DOCK1: variants seen among roughly 807,000 people sequenced by gnomAD.
DOCK1 encodes dedicator of cytokinesis protein 1.
In DOCK1, 138 loss-of-function variants were observed where a neutral mutation model predicts 262.7. That is an observed-to-expected ratio of 0.53 (90% CI 0.46 to 0.61). The LOEUF is 0.61. Ranked by LOEUF, DOCK1 falls within the 20% of genes least tolerant of loss-of-function variation. DOCK1 has a pLI of 0.00. For synonymous variants in DOCK1, 866 were observed against 867.4 expected, an observed-to-expected ratio of 1.00 and a Z score of 0.03; for missense variants, 1,908 against 2,370.7, an observed-to-expected ratio of 0.80 and a Z score of 4.05.
At chr10:127,245,466 A>AT (rs2059401388) in intron 27 of DOCK1, among the ~76,000 whole-genome samples, 1 of 152,186 alleles carries the variant, frequency 6.6e-6, no homozygotes, top group Non-Finnish European at 1.5e-5. Flanking sequence ...CAGTTAAACA[A>AT]GGGGCCGCGT....
At chr10:127,315,715 A>G (rs907303598) in intron 29 of DOCK1, among the ~76,000 whole-genome samples, 20 of 152,190 alleles carry the variant, frequency 1.3e-4, no homozygotes, top group Admixed American at 1.2e-3. Flanking sequence ...CCTTTTCCAC[A>G]TAGCTGGGTT....
intron 29 of DOCK1, among the ~76,000 whole-genome samples, chr10:127,314,217 G>A (rs142324486): frequency 7.6e-4 from 116 of 152,324 alleles, no homozygotes; most frequent in African/African-American, 2.7e-3. Context: ...CCATGGAAAT[G>A]TTTCCTTTGT....
At chr10:127,122,449 C>T (rs1484266283) in intron 25 of DOCK1, among the ~76,000 whole-genome samples, 1 of 152,016 alleles carries the variant, frequency 6.6e-6, no homozygotes, top group East Asian at 1.9e-4. Flanking sequence ...GGGGAGACCT[C>T]TCACTGAGGC....
intron 28 of DOCK1, among the ~76,000 whole-genome samples, chr10:127,254,818 G>C (rs932055295): frequency 4.6e-5 from 7 of 152,226 alleles, no homozygotes; most frequent in Admixed American, 6.5e-5. Context: ...GAAGCCATTG[G>C]GGAAATGGGT....
intron 27 of DOCK1, among the ~76,000 whole-genome samples, chr10:127,243,397 C>T (rs1323974609): frequency 6.6e-6 from 1 of 152,112 alleles, no homozygotes; most frequent in Admixed American, 6.5e-5. Flanking sequence ...CCCCCTGCTC[C>T]ACCACCAGCA....
intron 18 of DOCK1, among the ~76,000 whole-genome samples, chr10:127,036,697 G>C (rs966632607): frequency 6.6e-6 from 1 of 152,062 alleles, no homozygotes; most frequent in African/African-American, 2.4e-5. Context: ...TCTTGGGCCA[G>C]GCATGGTGGC....
At chr10:127,337,362 G>C (rs1290073476) in intron 29 of DOCK1, among the ~76,000 whole-genome samples, 1 of 152,182 alleles carries the variant, frequency 6.6e-6, no homozygotes, top group African/African-American at 2.4e-5. Flanking sequence ...CCCAAGACTG[G>C]GGGGCTGATT....
At position 127,381,264 on chromosome 10, in the gene DOCK1, T is replaced by G; in HGVS notation, c.3717-14T>G. 6.2e-7 allele frequency: 1 copy of G among 1,601,286 alleles called. No homozygotes were observed. Among genetic ancestry groups the G allele is most frequent in the Non-Finnish European group, 8.5e-7 (1 of 1,172,706 alleles). ...GTGACATTTTAAGAACATACCTCTG[T>G]TTTATTGTCTCAGGTATTTGTACAA... On this transcript the variant is annotated splice_polypyrimidine_tract_variant and intron_variant, in intron 36 of 51. Transcript: ENST00000623213.
At chr10:127,004,256 G>C (rs557815340) in intron 10 of DOCK1, among the ~76,000 whole-genome samples, 92 of 149,456 alleles carry the variant, frequency 6.2e-4, no homozygotes, top group African/African-American at 2.1e-3. Context: ...AAAAAGAAAA[G>C]AAAACAAAAC....
chr10:127,284,330 TC>T (rs1396431164), intron 29 of DOCK1, among the ~76,000 whole-genome samples: 1 of 152,224 alleles, frequency 6.6e-6, no homozygotes, highest in Non-Finnish European at 1.5e-5. Context: ...TATCTTTCCA[TC>T]TTTTTTAATG....
intron 23 of DOCK1, among the ~76,000 whole-genome samples, chr10:127,090,511 C>T (rs1221922819): frequency 2.0e-5 from 3 of 151,814 alleles, no homozygotes; most frequent in Non-Finnish European, 4.4e-5. Context: ...CGGTAAAATA[C>T]ATATAACATA....
chr10:127,264,474 G>T (rs1450223326), intron 29 of DOCK1, among the ~76,000 whole-genome samples: 1 of 152,168 alleles, frequency 6.6e-6, no homozygotes, highest in Non-Finnish European at 1.5e-5. Context: ...GCAAGTAAAG[G>T]TTCATATAAC....
At chr10:127,252,937 T>G (rs1025287640) in intron 28 of DOCK1, among the ~76,000 whole-genome samples, 2 of 152,156 alleles carry the variant, frequency 1.3e-5, no homozygotes, top group Non-Finnish European at 2.9e-5. Flanking sequence ...GTTCTCAAAT[T>G]TAGCCCTTTT....
At chr10:126,965,957 A>AAC (rs2037641345) in intron 1 of DOCK1, among the ~76,000 whole-genome samples, 1 of 152,140 alleles carries the variant, frequency 6.6e-6, no homozygotes, top group Non-Finnish European at 1.5e-5. Flanking sequence ...AGATCACTAG[A>AAC]ACTTAATTCT....
chr10:127,403,326 A>G (rs540912798), intron 39 of DOCK1, among the ~76,000 whole-genome samples, 182 bp downstream of exon 39: 18 of 152,330 alleles, frequency 1.2e-4, no homozygotes, highest in African/African-American at 4.1e-4. Flanking sequence ...TGGCCCATAA[A>G]TATTTACTTT....
intron 15 of DOCK1, among the ~76,000 whole-genome samples, chr10:127,025,539 T>C (rs568164062): frequency 3.9e-5 from 6 of 152,190 alleles, no homozygotes; most frequent in African/African-American, 1.4e-4. Flanking sequence ...CTCCACTTCC[T>C]GGGTTCAAGC....
chr10:127,077,760 G>A (rs1406313693), intron 23 of DOCK1, among the ~76,000 whole-genome samples: 3 of 152,238 alleles, frequency 2.0e-5, no homozygotes, highest in African/African-American at 7.2e-5. Context: ...GTGTCCAGAC[G>A]AGAGATTGCA....
intron 27 of DOCK1, among the ~76,000 whole-genome samples, chr10:127,206,136 CTTTTTTTTTTT>C (rs34450374): frequency 6.4e-5 from 5 of 78,660 alleles, no homozygotes; most frequent in African/African-American, 9.8e-5. Flanking sequence ...TTCTTCTTCT[CTTTTTTTTTTT>C]TTTTTTTTTT....
chr10:127,356,098 T>G (rs182649068), intron 32 of DOCK1, among the ~76,000 whole-genome samples: 4 of 152,284 alleles, frequency 2.6e-5, no homozygotes, highest in South Asian at 4.2e-4. Flanking sequence ...CTGCACATGA[T>G]TTTGCTGCAG....
Sources: allele counts gnomAD v4.1 joint callset (sites outside exome capture counted in the v4.1 genomes callset), GRCh38; gene constraint gnomAD v4.1.1; transcripts MANE v1.5; gene names NCBI Gene and HGNC (gene_info 2026-07-23, HGNC 2026-07-21).